The following CAPS2 variants were observed in gnomAD, a reference collection of about 807,000 sequenced individuals.
The protein encoded by CAPS2 is calcyphosin-2.
CAPS2 carries 98 observed loss-of-function variants against 86.5 expected under a neutral mutation model. The observed-to-expected ratio is 1.13, with a 90% CI of 0.96 to 1.34. The LOEUF is 1.34. CAPS2 is among the 40% of genes most tolerant of loss of function. The probability of loss-of-function intolerance (pLI) is 0.00; values close to 1 mark genes in which losing one functional copy is unlikely to be tolerated. For missense variants in CAPS2, 729 were observed against 686.8 expected, an observed-to-expected ratio of 1.06 and a Z score of -0.69; for synonymous variants, 210 against 225.1, an observed-to-expected ratio of 0.93 and a Z score of 0.60.
At chr12:75,377,380 G>A (rs902222329) in intron 1 of CAPS2, among the ~76,000 whole-genome samples, 1 of 152,162 alleles carries the variant, frequency 6.6e-6, no homozygotes, top group African/African-American at 2.4e-5. Flanking sequence ...ATCACAAGGT[G>A]AAATCCCACG....
At chr12:75,342,284 T>C (rs967374397) in intron 1 of CAPS2, among the ~76,000 whole-genome samples, 6 of 152,174 alleles carry the variant, frequency 3.9e-5, no homozygotes, top group Non-Finnish European at 5.9e-5. Flanking sequence ...CATGTAAAAC[T>C]GTTGAAATCT....
chr12:75,344,487 C>T (rs965677561), intron 1 of CAPS2, among the ~76,000 whole-genome samples: 1 of 152,064 alleles, frequency 6.6e-6, no homozygotes, highest in African/African-American at 2.4e-5. Context: ...TTTACATCTT[C>T]AATGAATATA....
At chr12:75,362,972 T>C (rs1324101272) in intron 1 of CAPS2, 7 of 514,974 alleles carry the variant, frequency 1.4e-5, no homozygotes, top group Non-Finnish European at 2.5e-5. Flanking sequence ...AAAATAAAAT[T>C]GAGACATTAT....
intron 13 of CAPS2, among the ~76,000 whole-genome samples, chr12:75,291,539 T>A: frequency 1.7e-5 from 1 of 59,318 alleles, no homozygotes; most frequent in Non-Finnish European, 3.1e-5. Flanking sequence ...TTTTAAAAAG[T>A]ATATATATAT....
intron 1 of CAPS2, among the ~76,000 whole-genome samples, chr12:75,357,478 G>GA (rs1429138891): frequency 6.6e-6 from 1 of 151,906 alleles, no homozygotes; most frequent in Admixed American, 6.6e-5. Context: ...AATAAGTAGG[G>GA]ATATAGAGTT....
At chr12:75,352,972 AATCTCTGGG>A (rs1245456714) in intron 1 of CAPS2, among the ~76,000 whole-genome samples, 1 of 152,190 alleles carries the variant, frequency 6.6e-6, no homozygotes, top group Non-Finnish European at 1.5e-5. Context: ...AACACACTAG[AATCTCTGGG>A]ACGCAGCTAA....
intron 7 of CAPS2, among the ~76,000 whole-genome samples, chr12:75,308,308 T>C (rs2138721388): frequency 6.6e-6 from 1 of 152,226 alleles, no homozygotes; most frequent in South Asian, 2.1e-4. Context: ...ATAGATAAAG[T>C]AGAAAGAAAT....
intron 1 of CAPS2, among the ~76,000 whole-genome samples, chr12:75,386,395 G>T (rs890120440): frequency 1.3e-5 from 2 of 152,212 alleles, no homozygotes; most frequent in African/African-American, 2.4e-5. Flanking sequence ...CTTGCATCTG[G>T]TGAGGGCCTG....
chr12:75,334,654 G>A (rs2041585225), upstream of CAPS2: 5 of 1,554,436 alleles, frequency 3.2e-6, no homozygotes, highest in Non-Finnish European at 4.3e-6. Flanking sequence ...GTGCGGGGGC[G>A]TGGGGAAATC....
intron 1 of CAPS2, chr12:75,370,589 T>A (rs1001771789): frequency 6.4e-6 from 1 of 156,014 alleles, no homozygotes; most frequent in African/African-American, 2.4e-5. Flanking sequence ...TCAGATAGCA[T>A]GTAATGTTAT....
At chr12:75,354,002 A>T (rs1305212528) in intron 1 of CAPS2, among the ~76,000 whole-genome samples, 2 of 152,178 alleles carry the variant, frequency 1.3e-5, no homozygotes, top group African/African-American at 4.8e-5. Context: ...ATCAAAAAAT[A>T]AGAGCCATTT....
chr12:75,291,448 T>C (rs1189280857), intron 13 of CAPS2, among the ~76,000 whole-genome samples: 1 of 123,404 alleles, frequency 8.1e-6, no homozygotes, highest in African/African-American at 3.1e-5. Flanking sequence ...AAGGAAAATC[T>C]TAAAACGTTT....
At chr12:75,339,045 A>G (rs542041627) in intron 1 of CAPS2, among the ~76,000 whole-genome samples, 10 of 152,270 alleles carry the variant, frequency 6.6e-5, no homozygotes, top group African/African-American at 2.2e-4. Flanking sequence ...GCTATTGTGA[A>G]TAGTGTGCAG....
intron 1 of CAPS2, among the ~76,000 whole-genome samples, chr12:75,339,133 G>A (rs2041931784): frequency 6.6e-6 from 1 of 152,134 alleles, no homozygotes; most frequent in Non-Finnish European, 1.5e-5. Flanking sequence ...TGGGATTGCT[G>A]GGTCAAATGG....
At chr12:75,301,062 TG>T (rs1405599796) in intron 8 of CAPS2, among the ~76,000 whole-genome samples, 2 of 152,206 alleles carry the variant, frequency 1.3e-5, no homozygotes, top group East Asian at 3.8e-4. Flanking sequence ...TCATAAAGGC[TG>T]CCAGCCCTAA....
chr12:75,384,084 G>A (rs971639963), intron 1 of CAPS2, among the ~76,000 whole-genome samples: 3 of 151,946 alleles, frequency 2.0e-5, no homozygotes, highest in South Asian at 2.1e-4. Context: ...ATCTAAAATC[G>A]CATATGCTTT....
chr12:75,322,694 A>G (rs982345187), intron 4 of CAPS2, among the ~76,000 whole-genome samples: 17 of 152,244 alleles, frequency 1.1e-4, no homozygotes, highest in Admixed American at 6.5e-5. Context: ...GACCAGTCTT[A>G]CATTGCTTAA....
chr12:75,353,527 C>T (rs1410435105), intron 1 of CAPS2, among the ~76,000 whole-genome samples: 1 of 152,158 alleles, frequency 6.6e-6, no homozygotes, highest in Non-Finnish European at 1.5e-5. Context: ...AAAAACAGCA[C>T]AGGACCAGAC....
chr12:75,356,293 C>T (rs1370010256), intron 1 of CAPS2, among the ~76,000 whole-genome samples: 3 of 151,946 alleles, frequency 2.0e-5, no homozygotes, highest in Non-Finnish European at 4.4e-5. Context: ...TAAAAATAAA[C>T]ATTAAATATG....
Sources: gnomAD v4.1 joint callset for allele counts (sites outside exome capture counted in the v4.1 genomes callset) on GRCh38, gnomAD v4.1.1 for gene constraint, MANE v1.5 for transcripts, NCBI Gene and HGNC (gene_info 2026-07-23, HGNC 2026-07-21) for gene names.